The following TFDP2 variants were observed in gnomAD, a reference collection of about 807,000 sequenced individuals.
The protein encoded by TFDP2 is transcription factor Dp-2.
In TFDP2, 17 loss-of-function variants were observed where a neutral mutation model predicts 59.3. That is an observed-to-expected ratio of 0.29 (90% CI 0.20 to 0.43). TFDP2 has a LOEUF of 0.43. Among genes scored for constraint, TFDP2 ranks in the 20% least tolerant of loss-of-function variants. The probability of loss-of-function intolerance (pLI) is 1.00; values close to 1 mark genes in which losing one functional copy is unlikely to be tolerated. For synonymous variants in TFDP2, 180 were observed against 194.7 expected, an observed-to-expected ratio of 0.92 and a Z score of 0.63; for missense variants, 391 against 528.8, an observed-to-expected ratio of 0.74 and a Z score of 2.56.
intron 1 of TFDP2, among the ~76,000 whole-genome samples, chr3:142,108,783 T>C (rs2061559243): frequency 1.3e-5 from 2 of 152,180 alleles, no homozygotes; most frequent in Non-Finnish European, 2.9e-5. Flanking sequence ...TCTATTAAAC[T>C]CCTTTCCCAC....
chr3:142,055,181 G>T (rs915876784), intron 3 of TFDP2, among the ~76,000 whole-genome samples: 3 of 152,178 alleles, frequency 2.0e-5, no homozygotes, highest in African/African-American at 4.8e-5. Context: ...TAAGAGAAAT[G>T]AGCTATTTTA....
chr3:142,096,190 C>T (rs573978483), intron 2 of TFDP2, among the ~76,000 whole-genome samples: 12 of 152,226 alleles, frequency 7.9e-5, no homozygotes, highest in African/African-American at 2.6e-4. Context: ...TAATCTTAGT[C>T]TCATAGATGG....
rs753702830 is a variant in TFDP2 at position 141,974,907 on chromosome 3, C to CTTTTTTT, written c.520-723_520-717dup. Among the ~76,000 whole-genome samples, 138 of 90,486 alleles carry CTTTTTTT rather than the reference C, an allele frequency of 1.5e-3. 1 individual carries two copies. The highest frequency in any genetic ancestry group is 7.9e-3 in the Middle Eastern group (1 of 126). The allele number at this position is 90,486 out of a possible 152,430, so 59.4% of individuals were successfully genotyped here. A position where few individuals can be genotyped will look rare whatever the true frequency, so the allele number is the denominator to read the frequency against. ...TCAGCTGACCATTTTTCTTCTTCTT[C>CTTTTTTT]TTTTTTTTTTTTTTTTTTTTTTTTG... On this transcript the variant is annotated intron_variant, in intron 7 of 12. Coordinates refer to ENST00000489671, the MANE Select transcript of TFDP2 (RefSeq NM_001178139.2).
intron 8 of TFDP2, among the ~76,000 whole-genome samples, chr3:141,970,563 A>G (rs1939571193): frequency 6.6e-6 from 1 of 152,242 alleles, no homozygotes; most frequent in African/African-American, 2.4e-5. Flanking sequence ...AAGGGAACGG[A>G]GGCATAGAGG....
intron 3 of TFDP2, among the ~76,000 whole-genome samples, chr3:142,046,862 A>G (rs1290578612): frequency 6.6e-6 from 1 of 152,130 alleles, no homozygotes. Context: ...GTTGGGTCCC[A>G]CCAGCTAGCT....
At chr3:142,024,035 A>G (rs1217691708) in intron 3 of TFDP2, among the ~76,000 whole-genome samples, 3 of 152,140 alleles carry the variant, frequency 2.0e-5, no homozygotes, top group Non-Finnish European at 2.9e-5. Flanking sequence ...CCTGAGTTAA[A>G]GTGATCTGCC....
In TFDP2 at chr3:142,121,785, G is replaced by A. The variant is rs1370421001; in HGVS notation, c.-92-19944C>T. The stretch of plus-strand genomic sequence containing the variant: ...ATGCTGAGGCGGACGGAACACCTGA[G>A]GTCAGGAGTTCGAGACCAGCCTGAC... On this transcript the variant is annotated intron_variant, in intron 1 of 12. Transcript: ENST00000489671. This position sits in a 1 kb window ranked among gnomAD's most constrained non-coding sequence, Gnocchi z 4.3. Among the ~76,000 whole-genome samples, 2 of 151,922 alleles carry A rather than the reference G, an allele frequency of 1.3e-5. No homozygotes were observed. The highest frequency in any genetic ancestry group is 2.9e-5 in the Non-Finnish European group (2 of 68,004).
intron 3 of TFDP2, among the ~76,000 whole-genome samples, chr3:142,082,392 T>G (rs2060666660): frequency 6.6e-6 from 1 of 152,170 alleles, no homozygotes; most frequent in Non-Finnish European, 1.5e-5. Flanking sequence ...ACTTGAATCA[T>G]TCTGTAAACC....
Position 141,959,789 on chromosome 3 carries a change from T to A in TFDP2, c.936A>T (p.Ile312=). 6.2e-7 allele frequency: 1 copy of A among 1,614,214 alleles called. No homozygotes were observed. The highest frequency in any genetic ancestry group is 8.5e-7 in the Non-Finnish European group (1 of 1,180,034). ...FDNTFEIHDD[I]EVLKRMGMSF... ...ACATTCCCATCCGCTTTAGTACTTC[T>A]ATGTCATCATGGATCTCAAAGGTGT... The change falls in exon 11 of 13, where the codon ATA becomes ATT. Residue 312 remains isoleucine, a synonymous_variant. Coordinates refer to ENST00000489671, the MANE Select transcript of TFDP2 (RefSeq NM_001178139.2).
chr3:142,088,764 C>T (rs139052735), intron 3 of TFDP2, among the ~76,000 whole-genome samples: 26 of 151,944 alleles, frequency 1.7e-4, no homozygotes, highest in African/African-American at 5.8e-4. Context: ...GCATGAGCTA[C>T]TGTGCCCAGA....
intron 3 of TFDP2, among the ~76,000 whole-genome samples, chr3:142,090,103 T>A (rs1042450019): frequency 1.3e-5 from 2 of 152,198 alleles, no homozygotes; most frequent in African/African-American, 4.8e-5. Context: ...GTTCACTTAA[T>A]GTGAAGTTCC....
intron 6 of TFDP2, among the ~76,000 whole-genome samples, chr3:141,984,212 A>G (rs1166221236): frequency 6.6e-6 from 1 of 152,126 alleles, no homozygotes; most frequent in Non-Finnish European, 1.5e-5. Flanking sequence ...ATAAAAAGAT[A>G]AATATTGGGT....
At chr3:141,994,864 A>G (rs1943114363) in intron 5 of TFDP2, 156 bp downstream of exon 5, 1 of 554,242 alleles carries the variant, frequency 1.8e-6, no homozygotes, top group Non-Finnish European at 3.0e-6. Context: ...GATTATTTAT[A>G]TCTAAGATAT....
At chr3:142,099,182 G>T (rs997671714) in intron 2 of TFDP2, among the ~76,000 whole-genome samples, 1 of 152,122 alleles carries the variant, frequency 6.6e-6, no homozygotes, top group African/African-American at 2.4e-5. Flanking sequence ...TGACACAATT[G>T]ATCACTTCCC....
chr3:141,974,177 C>T lies in TFDP2; in HGVS notation c.534G>A (p.Lys178=). The T allele has an allele frequency of 6.2e-7, 1 of 1,602,602 alleles. No individual in the cohort carries two copies. Among genetic ancestry groups the T allele is most frequent in the Non-Finnish European group, 8.5e-7 (1 of 1,176,380 alleles). The change falls in exon 8 of 13, where the codon AAG becomes AAA. Residue 178 remains lysine (K), a synonymous_variant. Transcript: ENST00000489671. ...CATCATAAACTCTTCGCCTAATGTT[C>T]TTCTGATCATAAGCCTGCTAAAAAA... is the stretch of plus-strand genomic sequence containing the variant. ...HLAADSAYDQ[K]NIRRRVYDAL... is the part of the protein sequence containing the mutation.
intron 1 of TFDP2, among the ~76,000 whole-genome samples, chr3:142,116,909 A>C (rs754798250): frequency 5.3e-5 from 8 of 151,890 alleles, no homozygotes; most frequent in Non-Finnish European, 1.2e-4. Context: ...TCAGGTGTAA[A>C]ATTAGTCATC....
intron 6 of TFDP2, among the ~76,000 whole-genome samples, chr3:141,983,386 C>T (rs2108096002): frequency 6.6e-6 from 1 of 152,248 alleles, no homozygotes; most frequent in Admixed American, 6.5e-5. Context: ...CCTGTAATCC[C>T]AGCACTTTGG....
intron 3 of TFDP2, among the ~76,000 whole-genome samples, chr3:142,037,847 A>G (rs1036461393): frequency 2.0e-5 from 3 of 152,196 alleles, no homozygotes; most frequent in African/African-American, 7.2e-5. Flanking sequence ...ATTCCACTAT[A>G]CAGTTGTGTC....
chr3:141,986,345 T>C (rs1475068836), intron 6 of TFDP2, among the ~76,000 whole-genome samples: 1 of 152,250 alleles, frequency 6.6e-6, no homozygotes, highest in East Asian at 1.9e-4. Flanking sequence ...TGTCTCCTTC[T>C]AGTTACAGTT....
Sources: allele counts gnomAD v4.1 joint callset (sites outside exome capture counted in the v4.1 genomes callset), GRCh38; gene constraint gnomAD v4.1.1; non-coding constraint Gnocchi (gnomAD v3.1); transcripts MANE v1.5; gene names NCBI Gene and HGNC (gene_info 2026-07-23, HGNC 2026-07-21).